AOPEP: variants seen among roughly 807,000 people sequenced by gnomAD.
AOPEP encodes the protein aminopeptidase O (putative), also known as aminopeptidase O.
AOPEP carries 77 observed loss-of-function variants against 98.1 expected under a neutral mutation model. The observed-to-expected ratio is 0.78, with a 90% CI of 0.65 to 0.95. The LOEUF is 0.95. Among genes scored for constraint, AOPEP ranks in the 40% least tolerant of loss-of-function variants. The probability of loss-of-function intolerance (pLI) is 0.00; values close to 1 mark genes in which losing one functional copy is unlikely to be tolerated. For synonymous variants in AOPEP, 346 were observed against 365.3 expected (o/e 0.95, Z 0.60); for missense variants, 1,024 against 1,024.7 (o/e 1.00, Z 0.01).
intron 5 of AOPEP, among the ~76,000 whole-genome samples, chr9:94,898,874 T>C (rs1180254861): frequency 1.3e-5 from 2 of 149,866 alleles, no homozygotes; most frequent in Admixed American, 6.7e-5. Context: ...ACTCGGGAGG[T>C]GGAGCTTGCA....
chr9:94,962,730 CTTT>C (rs3992777), intron 9 of AOPEP, among the ~76,000 whole-genome samples: 5 of 129,742 alleles, frequency 3.9e-5, no homozygotes, highest in Admixed American at 7.7e-5. Context: ...ATATTATCAT[CTTT>C]TTTTTTTTTT....
intron 14 of AOPEP, among the ~76,000 whole-genome samples, chr9:95,074,519 G>A (rs1034984926): frequency 7.2e-5 from 11 of 152,264 alleles, no homozygotes; most frequent in African/African-American, 2.4e-4. Context: ...TATAAATTGC[G>A]CCTCTGTGTT....
At chr9:94,742,761 G>A (rs918852530) in intron 1 of AOPEP, among the ~76,000 whole-genome samples, 11 of 152,038 alleles carry the variant, frequency 7.2e-5, no homozygotes, top group Non-Finnish European at 1.6e-4. Flanking sequence ...GCTATAGTTT[G>A]CCCTGATTAT....
chr9:94,846,095 T>TAA (rs35421127), intron 5 of AOPEP, among the ~76,000 whole-genome samples: 2 of 144,666 alleles, frequency 1.4e-5, no homozygotes, highest in Non-Finnish European at 3.0e-5. Flanking sequence ...GACTCCATCT[T>TAA]AAAAAAAAAA....
chr9:94,982,128 A>G (rs2060223433), intron 11 of AOPEP, among the ~76,000 whole-genome samples: 1 of 152,138 alleles, frequency 6.6e-6, no homozygotes, highest in Non-Finnish European at 1.5e-5. Context: ...ATTTCCTTTT[A>G]TGACTTTTTT....
At chr9:95,042,754 C>G (rs12349263) in intron 13 of AOPEP, among the ~76,000 whole-genome samples, 8,073 of 152,254 alleles carry the variant, frequency 0.053, 283 homozygotes, top group South Asian at 0.11. Flanking sequence ...CCTGCCTTTT[C>G]TACTTATATG....
Position 94,928,539 on chromosome 9 carries a change from T to C in AOPEP, c.1661+8T>C. 6.5e-7 allele frequency: 1 copy of C among 1,541,530 alleles called. No individual in the cohort carries two copies. Among genetic ancestry groups the C allele is most frequent in the South Asian group, 1.2e-5 (1 of 83,878 alleles). ...GGAGATGCAGGTGTTAAGGTAAAGC[T>C]GCATGGTGATCCACAGCCCTCTCAT... On this transcript the variant is annotated splice_region_variant and intron_variant, in intron 7 of 16. Coordinates refer to ENST00000375315, the MANE Select transcript of AOPEP (RefSeq NM_001193329.3).
At chr9:94,769,008 T>C (rs1296809721) in intron 2 of AOPEP, among the ~76,000 whole-genome samples, 1 of 152,216 alleles carries the variant, frequency 6.6e-6, no homozygotes, top group Non-Finnish European at 1.5e-5. Flanking sequence ...CACACATAGA[T>C]TTTCCTGCCT....
At chr9:95,004,267 G>T (rs755499006) in intron 11 of AOPEP, 2 of 456,718 alleles carry the variant, frequency 4.4e-6, no homozygotes, top group South Asian at 1.5e-5. Flanking sequence ...AAATCTTGGG[G>T]TATCGCACAT....
intron 1 of AOPEP, among the ~76,000 whole-genome samples, chr9:94,745,892 G>A (rs770922295): frequency 2.0e-5 from 3 of 152,134 alleles, no homozygotes; most frequent in Non-Finnish European, 4.4e-5. Flanking sequence ...CCTAGCAGTG[G>A]GATTGATGGA....
At chr9:94,901,255 T>G (rs2050354216) in intron 5 of AOPEP, among the ~76,000 whole-genome samples, 1 of 152,200 alleles carries the variant, frequency 6.6e-6, no homozygotes, top group African/African-American at 2.4e-5. Context: ...CCAAAAAGTA[T>G]AGAGTATTCA....
chr9:95,133,547 G>C, the AOPEP span, among the ~76,000 whole-genome samples: 1 of 152,208 alleles, frequency 6.6e-6, no homozygotes, highest in Non-Finnish European at 1.5e-5. Flanking sequence ...TCTCTGTCTT[G>C]CATCTGCTGT....
chr9:95,123,835 TG>T, the AOPEP span: 7 of 657,390 alleles, frequency 1.1e-5, no homozygotes, highest in Admixed American at 5.4e-5. Context: ...GACCTGCGGA[TG>T]CTGCCCCACA....
At chr9:95,030,314 G>A (rs555034293) in intron 13 of AOPEP, among the ~76,000 whole-genome samples, 3 of 152,278 alleles carry the variant, frequency 2.0e-5, no homozygotes, top group Non-Finnish European at 2.9e-5. Flanking sequence ...TTCAAAGGTG[G>A]TTTCATGCAG....
rs1266186434 is a variant in AOPEP, at chr9:94,980,291, C to T, written c.1977+864C>T. ...GGACCCTGCAGGCTGGGAGCTCTCT[C>T]AGTCTGGGGCAGCCCCCAGAGCGGC... On this transcript the variant is annotated intron_variant, in intron 11 of 16. Transcript: ENST00000375315. This position sits in a 1 kb window ranked among gnomAD's most constrained non-coding sequence, Gnocchi z 4.3. Among the ~76,000 whole-genome samples the T allele has an allele frequency of 6.6e-6, 1 of 152,216 alleles. No homozygotes were observed. Among genetic ancestry groups the T allele is most frequent in the African/African-American group, 2.4e-5 (1 of 41,462 alleles).
At position 95,080,742 on chromosome 9, in the gene AOPEP, G is replaced by A. The variant is rs1357421218; in HGVS notation, c.2281G>A (p.Ala761Thr). ...CATTGTTAAGCACAAGTTCACGAAA[G>A]CCTACAAAAGTGTGGAGAGGTTCCT... is the stretch of plus-strand genomic sequence containing the variant. ...ELIVKHKFTK[A>T]YKSVERFLQE... Residue 761 changes from alanine (A) to threonine (T), a missense_variant, in exon 15 of 17, where the codon GCC becomes ACC. This residue lies in a region of AOPEP where 566 missense variants were observed against 551.7 expected (regional missense o/e 1.03). Coordinates refer to ENST00000375315, the MANE Select transcript of AOPEP (RefSeq NM_001193329.3). The A allele has an allele frequency of 5.0e-6, 8 of 1,614,092 alleles. No individual in the cohort carries two copies. Among genetic ancestry groups the A allele is most frequent in the Non-Finnish European group, 5.9e-6 (7 of 1,180,012 alleles).
chr9:94,916,597 G>A (rs1384660838), intron 5 of AOPEP, among the ~76,000 whole-genome samples: 2 of 151,690 alleles, frequency 1.3e-5, no homozygotes, highest in Admixed American at 6.6e-5. Context: ...CAAGCTACTC[G>A]GGAGGCTGAG....
At chr9:94,776,665 A>T (rs886913228) in intron 3 of AOPEP, among the ~76,000 whole-genome samples, 1 of 152,198 alleles carries the variant, frequency 6.6e-6, no homozygotes, top group Non-Finnish European at 1.5e-5. Context: ...TAGTTAACCA[A>T]TATCTCTGGA....
At position 94,980,348 on chromosome 9, in the gene AOPEP, C is replaced by G. The variant is rs747590995; in HGVS notation, c.1977+921C>G. On this transcript the variant is annotated intron_variant, in intron 11 of 16. Transcript: ENST00000375315. The surrounding 1 kb of genome is among the most constrained non-coding windows in gnomAD (Gnocchi z 4.3). ...CTGGGCCTGACCCAGGGTCATGGGC[C>G]TTGGCATCTGGGGGCGGTCCCGTGT... 4.6e-5 allele frequency among the ~76,000 whole-genome samples: 7 copies of G among 152,260 alleles called. No homozygotes were observed. Among genetic ancestry groups the G allele is most frequent in the Non-Finnish European group, 1.0e-4 (7 of 68,040 alleles).
Sources: allele counts gnomAD v4.1 joint callset (sites outside exome capture counted in the v4.1 genomes callset), GRCh38; gene constraint gnomAD v4.1.1; regional missense constraint gnomAD v4.1.1; non-coding constraint Gnocchi (gnomAD v3.1); transcripts MANE v1.5; gene names NCBI Gene and HGNC (gene_info 2026-07-23, HGNC 2026-07-21).